The following CES4A variants were observed in gnomAD, a reference collection of about 807,000 sequenced individuals.
CES4A encodes carboxylesterase 4A, also known as carboxylesterase 6.
In CES4A, 48 loss-of-function variants were observed where a neutral mutation model predicts 65.4. The observed-to-expected ratio is 0.73, with a 90% CI of 0.58 to 0.93. The LOEUF (loss-of-function observed/expected upper bound fraction) is 0.93. CES4A is among the 40% of genes least tolerant of loss of function. The probability of loss-of-function intolerance (pLI) is 0.00; values close to 1 mark genes in which losing one functional copy is unlikely to be tolerated. For missense variants in CES4A, 685 were observed against 728.5 expected (o/e 0.94, Z 0.69); for synonymous variants, 247 against 281.8 (o/e 0.88, Z 1.24).
At chr16:66,989,514 T>G (rs1276952278) in intron 1 of CES4A, among the ~76,000 whole-genome samples, 1 of 151,830 alleles carries the variant, frequency 6.6e-6, no homozygotes, top group East Asian at 1.9e-4. Context: ...GGGCAAATAG[T>G]GAGACCTAGC....
At chr16:67,008,827 C>T in intron 13 of CES4A, 147 bp from the exon 14 acceptor site, 9 of 788,446 alleles carry the variant, frequency 1.1e-5, no homozygotes, top group Middle Eastern at 2.5e-4. Flanking sequence ...ACACACTTTC[C>T]TACTCTTTAT....
At chr16:67,006,211 A>G (rs1465807001) in intron 11 of CES4A, 180 bp from the exon 12 acceptor site, 1 of 603,798 alleles carries the variant, frequency 1.7e-6, no homozygotes, top group Non-Finnish European at 2.9e-6. Flanking sequence ...AGAAAGGTAG[A>G]GCAACTTGCT....
intron 1 of CES4A, among the ~76,000 whole-genome samples, chr16:66,989,612 C>T (rs904968224): frequency 2.0e-5 from 3 of 152,138 alleles, no homozygotes; most frequent in Admixed American, 2.0e-4. Context: ...AATCCCAGCA[C>T]TTTGGGAGGC....
rs777454511 is a variant in CES4A, at chr16:67,001,001, C to G, written c.536+11C>G. ...CTTCGGCTTCCTGAGGTGGCGGGGC[C>G]GGTACCCTTTGGGACCGCAGCTGTG... On this transcript the variant is annotated intron_variant, in intron 4 of 13. Transcript: ENST00000648724. The surrounding 1 kb of genome is among the most constrained non-coding windows in gnomAD (Gnocchi z 4.1). 3 of 1,549,128 alleles carry G rather than the reference C, an allele frequency of 1.9e-6. No homozygotes were observed. The highest frequency in any genetic ancestry group is 3.5e-5 in the Admixed American group (2 of 57,140).
Position 67,000,506 on chromosome 16 carries a change from CGCACGCACAT to C in CES4A, c.261-129_261-120del. 1 of 1,443,404 alleles carries C rather than the reference CGCACGCACAT, an allele frequency of 6.9e-7. No individual in the cohort carries two copies. Among genetic ancestry groups the C allele is most frequent in the Non-Finnish European group, 9.1e-7 (1 of 1,098,100 alleles). The allele number at this position is 1,443,404 out of a possible 1,614,324, so 89.4% of individuals were successfully genotyped here. ...GGCGGAGGCCTCCTGTACACGCACA[CGCACGCACAT>C]GCGCACGCACACGCACGCGCACAGA... On this transcript the variant is annotated intron_variant, in intron 2 of 13. Transcript: ENST00000648724. The surrounding 1 kb of genome is among the most constrained non-coding windows in gnomAD (Gnocchi z 4.2).
chr16:67,000,489 C>T lies in CES4A; in HGVS notation c.261-149C>T. ...TCCTGGGCCCCGGGGCTGGCGGAGG[C>T]CTCCTGTACACGCACACGCACGCAC... On this transcript the variant is annotated intron_variant, in intron 2 of 13. Coordinates refer to ENST00000648724, the Ensembl canonical transcript of CES4A. The surrounding 1 kb of genome is among the most constrained non-coding windows in gnomAD (Gnocchi z 4.2). The T allele has an allele frequency of 4.2e-6, 6 of 1,426,034 alleles. No homozygotes were observed. The highest frequency in any genetic ancestry group is 5.5e-6 in the Non-Finnish European group (6 of 1,092,566). The allele number at this position is 1,426,034 out of a possible 1,614,324, so 88.3% of individuals were successfully genotyped here. A position where few individuals can be genotyped will look rare whatever the true frequency, so the allele number is the denominator to read the frequency against.
intron 9 of CES4A, 64 bp downstream of exon 9, chr16:67,004,288 G>A (rs1228455554): frequency 9.6e-6 from 15 of 1,569,106 alleles, no homozygotes; most frequent in Non-Finnish European, 1.3e-5. Context: ...TGGAGGCAGG[G>A]AAGGATGCCT....
At position 67,000,799 on chromosome 16, in the gene CES4A, C is replaced by T. The variant is rs1231957406; in HGVS notation, c.402+20C>T. The T allele has an allele frequency of 2.6e-6, 4 of 1,550,104 alleles. No homozygotes were observed. In the Admixed American group the frequency reaches 7.8e-5, roughly 30 times the overall value. ...CTGCCAGTGAGTGCCAGGTCTCCCG[C>T]GCCCGCGGTCCCACCGCCGCCCACC... On this transcript the variant is annotated intron_variant, in intron 3 of 13. Coordinates refer to ENST00000648724, the Ensembl canonical transcript of CES4A. The surrounding 1 kb of genome is among the most constrained non-coding windows in gnomAD (Gnocchi z 4.2).
At chr16:66,998,640 G>A (rs1356543737) in intron 2 of CES4A, among the ~76,000 whole-genome samples, 2 of 152,090 alleles carry the variant, frequency 1.3e-5, no homozygotes, top group Non-Finnish European at 2.9e-5. Context: ...AGGAAGAGGC[G>A]GGTGGATCAC....
intron 13 of CES4A, chr16:67,007,650 T>C (rs1442343874): frequency 6.6e-6 from 1 of 152,086 alleles, no homozygotes; most frequent in Non-Finnish European, 1.5e-5. Context: ...AGACATGGTC[T>C]CACTCTGCTG....
At position 66,988,739 on chromosome 16, in the gene CES4A, A is replaced by G. The variant is rs1469974342; in HGVS notation, c.-34A>G. On this transcript the variant is annotated 5_prime_UTR_variant, in exon 1 of 14. Coordinates refer to ENST00000648724, the Ensembl canonical transcript of CES4A. ...CAGTGTTGCCATCCACAGTGTTGCC[A>G]TCACTCCTGCCCACAGCAGGAGCTG... 7 of 1,554,262 alleles carry G rather than the reference A, an allele frequency of 4.5e-6. No homozygotes were observed. In the South Asian group the frequency reaches 8.3e-5, roughly 18 times the overall value.
Position 67,000,464 on chromosome 16 carries a change from T to A in CES4A, c.261-174T>A, listed in dbSNP as rs1039570521. The stretch of plus-strand genomic sequence containing the variant: ...CCTGAGAGGCCAACCTGCCTCCCAG[T>A]CCTGGGCCCCGGGGCTGGCGGAGGC... On this transcript the variant is annotated intron_variant, in intron 2 of 13. Transcript: ENST00000648724. The surrounding 1 kb of genome is among the most constrained non-coding windows in gnomAD (Gnocchi z 4.2). 2.1e-5 allele frequency: 30 copies of A among 1,419,296 alleles called. No homozygotes were observed. The African/African-American group carries it at 4.2e-4, about 20-fold the overall frequency. 87.9% of individuals were successfully genotyped at this position (1,419,296 alleles called of 1,614,324 possible).
At chr16:66,995,499 C>A in intron 1 of CES4A, 129 bp from the exon 2 acceptor site, 1 of 750,808 alleles carries the variant, frequency 1.3e-6, no homozygotes, top group Non-Finnish European at 2.3e-6. Context: ...TGAGTGGCTG[C>A]GCAGGGGTGA....
At chr16:66,992,715 C>T (rs1388275380) in intron 1 of CES4A, among the ~76,000 whole-genome samples, 1 of 152,190 alleles carries the variant, frequency 6.6e-6, no homozygotes, top group South Asian at 2.1e-4. Context: ...GAGTCTTGCT[C>T]TGTTGCCCAG....
intron 2 of CES4A, among the ~76,000 whole-genome samples, chr16:66,999,943 C>T (rs1233897445): frequency 6.6e-6 from 1 of 151,944 alleles, no homozygotes; most frequent in Non-Finnish European, 1.5e-5. Context: ...CTGAGGCCCA[C>T]GGGCTTGGAG....
At position 67,000,731 on chromosome 16, in the gene CES4A, C is replaced by G; in HGVS notation, c.354C>G (p.Tyr118Ter). ...TGCGCTTCAGCGAGGACTGTCTGTACCTGAACGTGTACGCGCCGGCGCGCG... is the reference window on the plus strand; with the variant it reads ...TGCGCTTCAGCGAGGACTGTCTGTAGCTGAACGTGTACGCGCCGGCGCGCG... The change falls in exon 3 of 14, where the codon TAC (tyrosine) becomes TAG (stop). Residue 118 changes from tyrosine to a stop codon, truncating the protein, a stop_gained. Coordinates refer to ENST00000648724, the Ensembl canonical transcript of CES4A. LOFTEE classifies it high-confidence loss of function. This position sits in a 1 kb window ranked among gnomAD's most constrained non-coding sequence, Gnocchi z 4.2. 6.5e-7 allele frequency: 1 copy of G among 1,550,046 alleles called. No individual in the cohort carries two copies. The highest frequency in any genetic ancestry group is 8.7e-7 in the Non-Finnish European group (1 of 1,146,768).
At chr16:67,002,370 A>G (rs1050286201) in intron 5 of CES4A, among the ~76,000 whole-genome samples, 1 of 152,146 alleles carries the variant, frequency 6.6e-6, no homozygotes, top group African/African-American at 2.4e-5. Context: ...GGTTGGCAAG[A>G]AACAGGAGCA....
chr16:67,000,826 C>G lies in CES4A; in HGVS notation c.403-31C>G. On this transcript the variant is annotated intron_variant, in intron 3 of 13. Transcript: ENST00000648724. This position sits in a 1 kb window ranked among gnomAD's most constrained non-coding sequence, Gnocchi z 4.2. ...CCCGCGGTCCCACCGCCGCCCACCG[C>G]CCCGCTCAGATCCCGGCCTTCTTCG... is the stretch of plus-strand genomic sequence containing the variant. 6.4e-7 allele frequency: 1 copy of G among 1,559,040 alleles called. No homozygotes were observed.
rs376340766 is a variant in CES4A, at chr16:66,995,823, C to T, written c.254C>T (p.Pro85Leu). ...GGAATCAGAGATGCTACCACCTACCCGCCTGGGTAAGAGTCAGAGGCCTGT... is the reference window on the plus strand; with the variant it reads ...GGAATCAGAGATGCTACCACCTACCTGCCTGGGTAAGAGTCAGAGGCCTGT... Residue 85 changes from proline (P) to leucine (L), a missense_variant, in exon 2 of 14, where the codon CCG (proline) becomes CTG (leucine). Coordinates refer to ENST00000648724, the Ensembl canonical transcript of CES4A. 117 of 1,613,340 alleles carry T rather than the reference C, an allele frequency of 7.3e-5. No homozygotes were observed. The highest frequency in any genetic ancestry group is 1.1e-4 in the East Asian group (5 of 44,894).
Sources: allele counts gnomAD v4.1 joint callset (sites outside exome capture counted in the v4.1 genomes callset), GRCh38; gene constraint gnomAD v4.1.1; non-coding constraint Gnocchi (gnomAD v3.1); transcripts MANE v1.5; gene names NCBI Gene and HGNC (gene_info 2026-07-23, HGNC 2026-07-21).